ENPEP: variants seen among roughly 807,000 people sequenced by gnomAD.
The protein encoded by ENPEP is glutamyl aminopeptidase, also known as AP-A.
A neutral mutation model predicts 114.5 loss-of-function variants in ENPEP; 103 were observed. That is an observed-to-expected ratio of 0.90 (90% CI 0.77 to 1.06). The LOEUF is 1.06. ENPEP is among the 50% of genes least tolerant of loss of function. The pLI, the probability that ENPEP is intolerant of heterozygous loss-of-function variation, is 0.00. For missense variants in ENPEP, 1,196 were observed against 1,161.3 expected, an observed-to-expected ratio of 1.03 and a Z score of -0.43; for synonymous variants, 420 against 422.0, an observed-to-expected ratio of 1.00 and a Z score of 0.06.
chr4:110,520,222 G>C lies in ENPEP; in HGVS notation c.1583G>C (p.Arg528Thr). The change falls in exon 10 of 20, where the codon AGG becomes ACG. Residue 528 changes from arginine to threonine, a missense_variant. Arg to Thr is a moderately conservative substitution (Grantham distance 71, BLOSUM62 -1). Transcript: ENST00000265162. ...TTTTGTTTTCAATCTTAGGCAAGTA[G>C]GCTACCAGTGAAAGAAGTAATGGAC... is the stretch of plus-strand genomic sequence containing the variant. The part of the protein sequence containing the change: ...DFWAALEEAS[R>T]LPVKEVMDTW... The C allele has an allele frequency of 6.2e-7, 1 of 1,613,494 alleles. No homozygotes were observed. The highest frequency in any genetic ancestry group is 1.3e-5 in the African/African-American group (1 of 74,918).
intron 13 of ENPEP, among the ~76,000 whole-genome samples, chr4:110,544,939 C>A (rs1163191516): frequency 6.6e-6 from 1 of 152,072 alleles, no homozygotes; most frequent in Admixed American, 6.6e-5. Flanking sequence ...TATGTAGGAT[C>A]ACACAAGAGA....
Position 110,542,858 on chromosome 4 carries a change from A to C in ENPEP, c.1915A>C (p.Ile639Leu). The C allele has an allele frequency of 6.2e-7, 1 of 1,613,236 alleles. No homozygotes were observed. The highest frequency in any genetic ancestry group is 2.2e-5 in the East Asian group (1 of 44,846). ...TTATGAAGTAGCAACTTGGGACTCG[A>C]TAGCTACAGCGCTCTCCTTGAACCA... ...VNYEVATWDS[I>L]ATALSLNHKT... Residue 639 changes from isoleucine to leucine, a missense_variant, in exon 12 of 20, where the codon ATA becomes CTA. Coordinates refer to ENST00000265162, the MANE Select transcript of ENPEP (RefSeq NM_001977.4).
chr4:110,496,402 C>T (rs1410408557), intron 3 of ENPEP, among the ~76,000 whole-genome samples: 1 of 152,124 alleles, frequency 6.6e-6, no homozygotes, highest in Non-Finnish European at 1.5e-5. Context: ...TGCAAAGACA[C>T]AAGAGTCTCC....
chr4:110,517,463 T>G (rs908803528), intron 8 of ENPEP, among the ~76,000 whole-genome samples: 1 of 152,242 alleles, frequency 6.6e-6, no homozygotes, highest in Non-Finnish European at 1.5e-5. Flanking sequence ...AATTAAATTG[T>G]AATTAATAAA....
intron 1 of ENPEP, 50 bp downstream of exon 1, chr4:110,477,108 C>A: frequency 1.9e-6 from 3 of 1,558,120 alleles, no homozygotes; most frequent in Non-Finnish European, 2.6e-6. Context: ...TATCTGCTTT[C>A]CATTTCTTTT....
Position 110,520,250 on chromosome 4 carries a change from C to T in ENPEP, c.1611C>T (p.Thr537=). 6.2e-7 allele frequency: 1 copy of T among 1,614,018 alleles called. No homozygotes were observed. The highest frequency in any genetic ancestry group is 8.5e-7 in the Non-Finnish European group (1 of 1,179,952). Residue 537 remains threonine (T), a synonymous_variant, in exon 10 of 20, where the codon ACC becomes ACT. Transcript: ENST00000265162. The stretch of plus-strand genomic sequence containing the variant: ...TACCAGTGAAAGAAGTAATGGACAC[C>T]TGGACCAGACAGATGGGTTATCCTG... The part of the protein sequence containing the change: ...SRLPVKEVMD[T]WTRQMGYPVL...
chr4:110,556,867 T>C (rs908710145), intron 18 of ENPEP, among the ~76,000 whole-genome samples: 10 of 152,192 alleles, frequency 6.6e-5, no homozygotes, highest in African/African-American at 2.2e-4. Flanking sequence ...GAGCACCTAC[T>C]CTGTGCTAGG....
chr4:110,534,827 A>G (rs1726553754), intron 11 of ENPEP, among the ~76,000 whole-genome samples: 1 of 151,128 alleles, frequency 6.6e-6, no homozygotes, highest in South Asian at 2.1e-4. Flanking sequence ...TTTTTTCTCA[A>G]CTAAATTATA....
intron 13 of ENPEP, among the ~76,000 whole-genome samples, chr4:110,543,694 T>A (rs182461732): frequency 2.0e-5 from 3 of 152,058 alleles, no homozygotes; most frequent in African/African-American, 7.2e-5. Context: ...TTAACAAGCA[T>A]TTATTGAGTT....
intron 8 of ENPEP, among the ~76,000 whole-genome samples, chr4:110,518,840 G>A (rs1725877188): frequency 1.3e-5 from 2 of 152,120 alleles, no homozygotes; most frequent in Admixed American, 1.3e-4. Flanking sequence ...TCAAGACCTT[G>A]TAGTAGTCAA....
chr4:110,542,715 A>G, intron 11 of ENPEP, 36 bp from the exon 12 acceptor site: 1 of 1,573,578 alleles, frequency 6.4e-7, no homozygotes, highest in Non-Finnish European at 8.6e-7. Flanking sequence ...AGTGCATGCA[A>G]ACATGTTGCT....
At position 110,549,565 on chromosome 4, in the gene ENPEP, AT is replaced by A. The variant is rs1259398652; in HGVS notation, c.2264del (p.Met755ArgfsTer7). 2 of 1,613,644 alleles carry A rather than the reference AT, an allele frequency of 1.2e-6. No homozygotes were observed. The highest frequency in any genetic ancestry group is 8.5e-7 in the Non-Finnish European group (1 of 1,179,694). On this transcript the variant is annotated frameshift_variant, in exon 16 of 20. Transcript: ENST00000265162. LOFTEE classifies it high-confidence loss of function. ...RSSVLGFACK[M>X]GDREALNNAS... ...CTCCGTGTTAGGGTTTGCGTGCAAG[AT>A]GGGAGACAGAGAAGCCTTGAACAAT...
At chr4:110,484,954 C>T (rs2110333729) in intron 1 of ENPEP, among the ~76,000 whole-genome samples, 1 of 151,910 alleles carries the variant, frequency 6.6e-6, no homozygotes, top group South Asian at 2.1e-4. Flanking sequence ...CTCATCTTCT[C>T]AAATTAGTTA....
At chr4:110,539,645 C>T (rs1489599386) in intron 11 of ENPEP, among the ~76,000 whole-genome samples, 1 of 152,080 alleles carries the variant, frequency 6.6e-6, no homozygotes, top group Non-Finnish European at 1.5e-5. Flanking sequence ...CTATCTTGGC[C>T]TCCCAAAGTG....
intron 1 of ENPEP, among the ~76,000 whole-genome samples, chr4:110,484,129 C>T (rs1487024538): frequency 6.6e-6 from 1 of 152,118 alleles, no homozygotes; most frequent in Non-Finnish European, 1.5e-5. Context: ...AAAGCACTAG[C>T]ATTCTAGATT....
intron 3 of ENPEP, among the ~76,000 whole-genome samples, chr4:110,492,933 A>G (rs1170090564): frequency 6.6e-6 from 1 of 152,198 alleles, no homozygotes; most frequent in Non-Finnish European, 1.5e-5. Context: ...TTATTATTAC[A>G]TTCTGAGCAA....
intron 19 of ENPEP, 25 bp from the exon 20 acceptor site, chr4:110,561,381 C>A: frequency 1.9e-6 from 3 of 1,609,356 alleles, no homozygotes; most frequent in Admixed American, 1.7e-5. Context: ...AATGACAATC[C>A]TAATTACTCC....
At position 110,477,138 on chromosome 4, in the gene ENPEP, G is replaced by T. The variant is rs1456031853; in HGVS notation, c.644+80G>T. 4 of 1,499,382 alleles carry T rather than the reference G, an allele frequency of 2.7e-6. No individual in the cohort carries two copies. In the Admixed American group the frequency reaches 6.7e-5, roughly 25 times the overall value. 92.9% of individuals were successfully genotyped at this position (1,499,382 alleles called of 1,614,324 possible). On this transcript the variant is annotated intron_variant, in intron 1 of 19. Coordinates refer to ENST00000265162, the MANE Select transcript of ENPEP (RefSeq NM_001977.4). The stretch of plus-strand genomic sequence containing the variant: ...TCTTTTCCTTTCCTTTTCACTTTCC[G>T]CTTTTAATTATTTTGTTGGTCTGAT...
chr4:110,503,908 G>C (rs954950476), intron 3 of ENPEP, among the ~76,000 whole-genome samples: 3 of 152,208 alleles, frequency 2.0e-5, no homozygotes, highest in African/African-American at 7.2e-5. Context: ...ATGGCCAGTA[G>C]TTAGGCTCTT....
Sources: allele counts gnomAD v4.1 joint callset (sites outside exome capture counted in the v4.1 genomes callset), GRCh38; gene constraint gnomAD v4.1.1; transcripts MANE v1.5; gene names NCBI Gene and HGNC (gene_info 2026-07-23, HGNC 2026-07-21).